Variants in KANTR observed in about 807,000 individuals in gnomAD.
KANTR encodes the protein KDM5C adjacent transcript.
At chrX:53,127,989 C>T (rs1299468891), downstream of KANTR, among the ~76,000 whole-genome samples, 1 of 111,222 alleles carries the variant, frequency 9.0e-6, no homozygotes, top group Non-Finnish European at 1.9e-5. Context: ...GGGTAAGTTA[C>T]AGCTCAAAAA....
exon 3 of KANTR, chrX:53,126,820 A>C (rs1933296472): frequency 9.0e-6 from 1 of 111,411 alleles, no homozygotes; most frequent in Non-Finnish European, 1.9e-5. Context: ...TACCTATACT[A>C]TTCTTCTCTG....
At chrX:53,140,745 GGTACCTGAC>G (rs1933490954) in intron 2 of KANTR, among the ~76,000 whole-genome samples, 1 of 111,274 alleles carries the variant, frequency 9.0e-6, no homozygotes, top group Non-Finnish European at 1.9e-5. Context: ...TGTGTGCCCA[GGTACCTGAC>G]AGTGCTGCAT....
intron 2 of KANTR, among the ~76,000 whole-genome samples, chrX:53,100,314 C>T (rs1355572484): frequency 4.6e-5 from 5 of 108,955 alleles, no homozygotes; most frequent in Non-Finnish European, 7.6e-5. Context: ...AACCCTGCCT[C>T]TACTAAAAAT....
intron 2 of KANTR, among the ~76,000 whole-genome samples, chrX:53,139,663 AT>A (rs1426617323): frequency 9.0e-6 from 1 of 111,040 alleles, no homozygotes; most frequent in Admixed American, 9.6e-5. Context: ...AGAAAAAATA[AT>A]TTTTTTTTAA....
chrX:53,115,967 C>G (rs890299565), intron 2 of KANTR, among the ~76,000 whole-genome samples: 1 of 111,803 alleles, frequency 8.9e-6, no homozygotes, highest in East Asian at 2.8e-4. Context: ...TCTGGACTCC[C>G]AAGGTTTGTT....
intron 2 of KANTR, among the ~76,000 whole-genome samples, chrX:53,118,931 T>C (rs1230807860): frequency 9.0e-6 from 1 of 111,310 alleles, no homozygotes; most frequent in African/African-American, 3.3e-5. Context: ...GATTTGTAGG[T>C]GTTCTTTATG....
At chrX:53,104,840 T>C (rs1932928942) in intron 2 of KANTR, among the ~76,000 whole-genome samples, 2 of 111,476 alleles carry the variant, frequency 1.8e-5, no homozygotes, top group Non-Finnish European at 3.8e-5. Context: ...AATATTTCTC[T>C]GAACGTGGAG....
At chrX:53,102,808 C>T (rs1333518698) in intron 2 of KANTR, among the ~76,000 whole-genome samples, 1 of 110,845 alleles carries the variant, frequency 9.0e-6, no homozygotes, top group Non-Finnish European at 1.9e-5. Flanking sequence ...GCTGTGATCT[C>T]ACTGTCATTC....
chrX:53,119,741 A>G (rs1361654408), intron 2 of KANTR, among the ~76,000 whole-genome samples: 1 of 110,983 alleles, frequency 9.0e-6, no homozygotes, highest in Non-Finnish European at 1.9e-5. Context: ...TTATTTTGAG[A>G]TAGGTTCTTG....
At chrX:53,103,104 C>G in intron 2 of KANTR, among the ~76,000 whole-genome samples, 1 of 107,850 alleles carries the variant, frequency 9.3e-6, no homozygotes, top group Non-Finnish European at 1.9e-5. Flanking sequence ...CCTGCCTCAG[C>G]CTCCAGAGTA....
At chrX:53,140,295 G>A (rs969463726) in intron 2 of KANTR, among the ~76,000 whole-genome samples, 6 of 111,727 alleles carry the variant, frequency 5.4e-5, no homozygotes, top group Admixed American at 3.8e-4. Context: ...TCACTCAGGA[G>A]TTCCAGACCA....
chrX:53,138,401 G>T (rs1175580513), intron 2 of KANTR, among the ~76,000 whole-genome samples: 4 of 107,869 alleles, frequency 3.7e-5, no homozygotes, highest in African/African-American at 1.0e-4. Flanking sequence ...TGTGGTTCAC[G>T]CCTGTAATCC....
chrX:53,123,359 C>T (rs782780601), intron 2 of KANTR, 110 bp from the exon 3 acceptor site: 3 of 111,800 alleles, frequency 2.7e-5, no homozygotes, highest in Non-Finnish European at 5.6e-5. Context: ...TTTTGTTTCA[C>T]TGACAAGTAT....
In KANTR at chrX:53,138,662, G is replaced by A. The variant is rs940852612; in HGVS notation, n.204-3186G>A. Among the ~76,000 whole-genome samples the A allele has an allele frequency of 3.5e-4, 38 of 107,169 alleles. No individual in the cohort carries two copies. The East Asian group carries it at 4.2e-3, about 12-fold the overall frequency. The allele number at this position is 107,169 out of a possible 115,157, so 93.1% of individuals were successfully genotyped here. ...GGAGGTTGCGGTGAGCTAAGATTGC[G>A]CCATTGCACTCCAGCTTGGGCAACA... On this transcript the variant is annotated intron_variant and non_coding_transcript_variant, in intron 2 of 2. Transcript: ENST00000366185.
At chrX:53,112,007 A>AAAACCAACT (rs1933049690) in intron 2 of KANTR, among the ~76,000 whole-genome samples, 1 of 110,632 alleles carries the variant, frequency 9.0e-6, no homozygotes, top group Non-Finnish European at 1.9e-5. Flanking sequence ...TTTGGGGAAC[A>AAAACCAACT]GGTGGTGGTT....
At chrX:53,122,099 A>G (rs1556815587) in intron 2 of KANTR, among the ~76,000 whole-genome samples, 1 of 112,363 alleles carries the variant, frequency 8.9e-6, no homozygotes. Context: ...ATGCATTTTT[A>G]TTTAATAATT....
chrX:53,143,076 G>A, downstream of KANTR: 3 of 1,202,716 alleles, frequency 2.5e-6, no homozygotes, highest in Non-Finnish European at 3.4e-6. Context: ...ACTTCATGAT[G>A]GAGTTGAAGG....
At chrX:53,106,313 C>T (rs782022108) in intron 2 of KANTR, among the ~76,000 whole-genome samples, 35 of 110,500 alleles carry the variant, frequency 3.2e-4, no homozygotes, top group East Asian at 5.6e-4. Context: ...AATAAATCAT[C>T]GCCTAAATCA....
chrX:53,147,248 G>C (rs1933589628), downstream of KANTR, among the ~76,000 whole-genome samples: 1 of 111,509 alleles, frequency 9.0e-6, no homozygotes, highest in Admixed American at 9.5e-5. Context: ...ACACACATAG[G>C]CTCAAAATAA....
Sources: allele counts gnomAD v4.1 joint callset (sites outside exome capture counted in the v4.1 genomes callset), GRCh38; gene constraint gnomAD v4.1.1; transcripts MANE v1.5; gene names NCBI Gene and HGNC (gene_info 2026-07-23, HGNC 2026-07-21).